RMDN2: variants seen among roughly 807,000 people sequenced by gnomAD.
RMDN2 encodes regulator of microtubule dynamics 2.
A neutral mutation model predicts 52.8 loss-of-function variants in RMDN2; 61 were observed. The ratio of observed to expected loss-of-function variants is 1.16; its 90% CI spans 0.94 to 1.43. The LOEUF (loss-of-function observed/expected upper bound fraction) is 1.43. RMDN2 is among the 40% of genes most tolerant of loss of function. The pLI is 0.00. For synonymous variants in RMDN2, 180 were observed against 153.1 expected (o/e 1.18, Z -1.30); for missense variants, 592 against 475.3 (o/e 1.25, Z -2.28).
intron 10 of RMDN2, among the ~76,000 whole-genome samples, chr2:38,061,190 C>T (rs530179929): frequency 6.6e-6 from 1 of 151,920 alleles, no homozygotes; most frequent in Admixed American, 6.5e-5. Context: ...AAGGAGTGGG[C>T]ATTAAGGACA....
intron 2 of RMDN2, among the ~76,000 whole-genome samples, chr2:37,956,026 T>G (rs1029719663): frequency 3.3e-5 from 5 of 152,186 alleles, no homozygotes; most frequent in Admixed American, 1.3e-4. Context: ...TGGTAGTGTC[T>G]TTGTCTAGCT....
chr2:37,974,137 C>T lies in RMDN2; in HGVS notation c.550C>T (p.Gln184Ter), dbSNP rs1405039315. Residue 184 changes from glutamine (Q) to a stop codon, truncating the protein, a stop_gained, in exon 3 of 11, where the codon CAG (glutamine) becomes TAG (stop). Coordinates refer to ENST00000354545, the MANE Select transcript of RMDN2 (RefSeq NM_001170791.3). LOFTEE classifies it high-confidence loss of function. Reference protein sequence around the residue: ...VEELNLDVLLQKVDHLRMSES... With the variant: ...VEELNLDVLL ...GGAATTAAATTTAGATGTCCTTCTT[C>T]AGAAGGTAGATCATTTACGTATGAG... The T allele has an allele frequency of 1.9e-6, 3 of 1,612,056 alleles. No homozygotes were observed. The highest frequency in any genetic ancestry group is 1.1e-5 in the South Asian group (1 of 90,990).
intron 8 of RMDN2, among the ~76,000 whole-genome samples, chr2:38,001,880 A>G (rs116601175): frequency 6.6e-6 from 1 of 152,212 alleles, no homozygotes; most frequent in Non-Finnish European, 1.5e-5. Context: ...AAGAGAGAAG[A>G]AGCAGAAGAA....
intron 10 of RMDN2, among the ~76,000 whole-genome samples, chr2:38,039,077 CACACACACACACACACAGAG>C (rs1308646512): frequency 2.0e-4 from 16 of 79,540 alleles, no homozygotes; most frequent in East Asian, 2.7e-3. Flanking sequence ...CACACACACA[CACACACACACACACACAGAG>C]AGAGAGATAA....
chr2:37,970,935 A>G (rs765280213), intron 2 of RMDN2, among the ~76,000 whole-genome samples: 7 of 152,190 alleles, frequency 4.6e-5, no homozygotes, highest in East Asian at 1.9e-4. Context: ...TAAGAGTTTT[A>G]TATATATTTT....
intron 10 of RMDN2, among the ~76,000 whole-genome samples, chr2:38,009,512 G>A (rs1433157316): frequency 2.0e-5 from 3 of 152,134 alleles, no homozygotes; most frequent in African/African-American, 4.8e-5. Context: ...TGGCTACTGA[G>A]GCTTGTGCAT....
intron 10 of RMDN2, among the ~76,000 whole-genome samples, chr2:38,011,403 G>A (rs140693988): frequency 6.6e-6 from 1 of 152,160 alleles, no homozygotes; most frequent in African/African-American, 2.4e-5. Context: ...AAAAAAATAG[G>A]TATATATTTT....
intron 10 of RMDN2, among the ~76,000 whole-genome samples, chr2:38,015,756 A>G (rs1190122052): frequency 6.6e-6 from 1 of 152,204 alleles, no homozygotes; most frequent in Non-Finnish European, 1.5e-5. Context: ...TCCGTGTAGA[A>G]TATCTACAGG....
chr2:38,062,216 C>CT (rs1682081992), intron 10 of RMDN2, among the ~76,000 whole-genome samples: 1 of 152,218 alleles, frequency 6.6e-6, no homozygotes, highest in Non-Finnish European at 1.5e-5. Flanking sequence ...CCAGGCTATC[C>CT]TTTTGTAGTA....
At chr2:38,042,464 A>G (rs1203446822) in intron 10 of RMDN2, among the ~76,000 whole-genome samples, 1 of 148,366 alleles carries the variant, frequency 6.7e-6, no homozygotes, top group African/African-American at 2.5e-5. Context: ...CACACACATC[A>G]GGTTTTGGTT....
At chr2:38,002,100 T>G (rs1022542380) in intron 8 of RMDN2, among the ~76,000 whole-genome samples, 2 of 152,366 alleles carry the variant, frequency 1.3e-5, no homozygotes, top group East Asian at 1.9e-4. Flanking sequence ...TCTAGAACCC[T>G]TCTCTTTTGG....
chr2:38,017,434 C>G lies in RMDN2; in HGVS notation c.*195C>G. 2.4e-6 allele frequency: 3 copies of G among 1,249,638 alleles called. No individual in the cohort carries two copies. The highest frequency in any genetic ancestry group is 3.2e-6 in the Non-Finnish European group (3 of 949,402). 77.4% of individuals were successfully genotyped at this position (1,249,638 alleles called of 1,614,324 possible). A position where few individuals can be genotyped will look rare whatever the true frequency, so the allele number is the denominator to read the frequency against. On this transcript the variant is annotated 3_prime_UTR_variant, in exon 11 of 11. Transcript: ENST00000354545. The stretch of plus-strand genomic sequence containing the variant: ...TTATGTTATTTGGAGAATCTATATA[C>G]TATAATGTCAATACATAATCTATAA...
intron 2 of RMDN2, among the ~76,000 whole-genome samples, chr2:37,972,474 A>C (rs1353842920): frequency 6.6e-6 from 1 of 152,224 alleles, no homozygotes; most frequent in African/African-American, 2.4e-5. Flanking sequence ...GGAAAGTGAT[A>C]GAAGATAAGA....
intron 2 of RMDN2, among the ~76,000 whole-genome samples, chr2:37,955,961 A>AT (rs1669402919): frequency 1.9e-5 from 1 of 51,754 alleles, no homozygotes; most frequent in African/African-American, 8.9e-5. Flanking sequence ...CTGTTATTTC[A>AT]TTCAGAATTT....
At chr2:38,020,563 G>A (rs1211376775), downstream of RMDN2, among the ~76,000 whole-genome samples, 3 of 152,352 alleles carry the variant, frequency 2.0e-5, no homozygotes, top group Non-Finnish European at 1.5e-5. Flanking sequence ...CGGGCCAGCT[G>A]GAGTTCCGGG....
At chr2:38,006,456 C>G (rs1677101699) in intron 10 of RMDN2, among the ~76,000 whole-genome samples, 1 of 152,162 alleles carries the variant, frequency 6.6e-6, no homozygotes. Flanking sequence ...ATTTTATTCT[C>G]TTTGAAGCAA....
intron 2 of RMDN2, among the ~76,000 whole-genome samples, chr2:37,948,221 G>A (rs1159382023): frequency 6.6e-6 from 1 of 152,206 alleles, no homozygotes; most frequent in Non-Finnish European, 1.5e-5. Flanking sequence ...TCAGGAATCT[G>A]CATTTTAAGA....
intron 2 of RMDN2, among the ~76,000 whole-genome samples, chr2:37,935,147 A>G (rs1486947443): frequency 6.6e-6 from 1 of 152,230 alleles, no homozygotes; most frequent in African/African-American, 2.4e-5. Context: ...TGATTATTCG[A>G]AAATAACACA....
chr2:37,969,835 C>A (rs1477286960), intron 2 of RMDN2, among the ~76,000 whole-genome samples: 1 of 150,986 alleles, frequency 6.6e-6, no homozygotes, highest in African/African-American at 2.4e-5. Flanking sequence ...TTGAAAGGCT[C>A]CTCCCTCCCT....
Sources: gnomAD v4.1 joint callset for allele counts (sites outside exome capture counted in the v4.1 genomes callset) on GRCh38, gnomAD v4.1.1 for gene constraint, MANE v1.5 for transcripts, NCBI Gene and HGNC (gene_info 2026-07-23, HGNC 2026-07-21) for gene names.